BRAF: variants seen among roughly 807,000 people sequenced by gnomAD.
BRAF encodes serine/threonine-protein kinase B-raf.
BRAF carries 16 observed loss-of-function variants against 104.6 expected under a neutral mutation model. The observed-to-expected ratio is 0.15, with a 90% CI of 0.10 to 0.23. The LOEUF is 0.23. BRAF is among the 10% of genes least tolerant of loss of function. The pLI, the probability that BRAF is intolerant of heterozygous loss-of-function variation, is 1.00. For missense variants in BRAF, 541 were observed against 937.3 expected (o/e 0.58, Z 5.52); for synonymous variants, 310 against 341.6 (o/e 0.91, Z 1.02).
chr7:140,815,082 T>C (rs193257828), intron 3 of BRAF, among the ~76,000 whole-genome samples: 46 of 151,996 alleles, frequency 3.0e-4, no homozygotes, highest in African/African-American at 1.1e-3. Context: ...CATAGCTTTC[T>C]GATTTTATAA....
chr7:140,836,663 G>A (rs1294206330), intron 2 of BRAF, among the ~76,000 whole-genome samples: 1 of 152,100 alleles, frequency 6.6e-6, no homozygotes, highest in Non-Finnish European at 1.5e-5. Flanking sequence ...TTAGCTTTCA[G>A]TACCAAGGCC....
At chr7:140,730,606 C>T (rs1170303043) in intron 19 of BRAF, 59 bp downstream of exon 18, 1 of 151,888 alleles carries the variant, frequency 6.6e-6, no homozygotes, top group African/African-American at 2.4e-5. Context: ...TCAAGTAATC[C>T]ACCCGCCTCA....
chr7:140,752,287 C>A (rs1460800445), intron 16 of BRAF, among the ~76,000 whole-genome samples: 1 of 152,170 alleles, frequency 6.6e-6, no homozygotes, highest in Non-Finnish European at 1.5e-5. Flanking sequence ...CTGCCCTAGC[C>A]TCCCAGGTAG....
At chr7:140,811,853 G>A (rs1804302800) in intron 3 of BRAF, among the ~76,000 whole-genome samples, 1 of 152,080 alleles carries the variant, frequency 6.6e-6, no homozygotes, top group Non-Finnish European at 1.5e-5. Flanking sequence ...TTCACTAATT[G>A]TTTGTAGTGA....
intron 1 of BRAF, among the ~76,000 whole-genome samples, chr7:140,916,611 G>A (rs536251007): frequency 1.5e-4 from 23 of 152,272 alleles, no homozygotes; most frequent in African/African-American, 4.6e-4. Flanking sequence ...TAAAAAGGAC[G>A]TGATTGACTT....
intron 3 of BRAF, among the ~76,000 whole-genome samples, chr7:140,819,301 A>G (rs1586279704): frequency 6.6e-6 from 1 of 152,228 alleles, no homozygotes; most frequent in East Asian, 1.9e-4. Flanking sequence ...TACTAGTCAT[A>G]AGGGAAATGC....
intron 14 of BRAF, among the ~76,000 whole-genome samples, chr7:140,776,606 A>C (rs759371610): frequency 8.5e-5 from 13 of 152,200 alleles, no homozygotes; most frequent in Non-Finnish European, 1.9e-4. Context: ...ACTGCTAACA[A>C]CTTTTTAGCA....
chr7:140,839,113 T>C (rs761393346), intron 2 of BRAF, among the ~76,000 whole-genome samples: 5 of 152,128 alleles, frequency 3.3e-5, no homozygotes, highest in Non-Finnish European at 7.3e-5. Flanking sequence ...CAACTGGCGC[T>C]GGTACAACTG....
intron 3 of BRAF, among the ~76,000 whole-genome samples, chr7:140,814,771 TAACA>T (rs1804660960): frequency 7.0e-6 from 1 of 142,372 alleles, no homozygotes; most frequent in Non-Finnish European, 1.5e-5. Context: ...ATATTATATA[TAACA>T]TATATATTAT....
intron 18 of BRAF, 63 bp from the exon 18 acceptor site, chr7:140,734,833 A>G (rs2130872109): frequency 6.8e-7 from 1 of 1,462,052 alleles, no homozygotes; most frequent in East Asian, 2.5e-5. Flanking sequence ...AGAAAGAAAG[A>G]AAAAGAAAAA....
intron 1 of BRAF, among the ~76,000 whole-genome samples, chr7:140,904,230 T>C (rs556487620): frequency 2.2e-4 from 33 of 152,288 alleles, no homozygotes; most frequent in African/African-American, 7.9e-4. Flanking sequence ...GAAACTGGCA[T>C]AGCCATCCTA....
intron 7 of BRAF, 41 bp downstream of exon 7, chr7:140,800,321 T>C (rs1802956251): frequency 6.2e-7 from 1 of 1,613,392 alleles, no homozygotes; most frequent in African/African-American, 1.3e-5. Flanking sequence ...AAGAAAGCGG[T>C]TCAAGTAGCA....
chr7:140,889,234 A>T (rs1458384308), intron 1 of BRAF, among the ~76,000 whole-genome samples: 2 of 152,274 alleles, frequency 1.3e-5, no homozygotes, highest in Admixed American at 6.5e-5. Context: ...TAGCTATTTT[A>T]AAAAAATTAT....
downstream of BRAF, among the ~76,000 whole-genome samples, chr7:140,717,790 C>T (rs779622264): frequency 6.6e-6 from 1 of 152,150 alleles, no homozygotes; most frequent in South Asian, 2.1e-4. Context: ...TGTAATCACA[C>T]ATGAAGGTTT....
Position 140,777,722 on chromosome 7 carries a change from C to T in BRAF, c.1637+269G>A, listed in dbSNP as rs1208176850. 2.0e-5 allele frequency among the ~76,000 whole-genome samples: 3 copies of T among 152,132 alleles called. No individual in the cohort carries two copies. In the East Asian group the frequency reaches 5.8e-4, roughly 29 times the overall value. On this transcript the variant is annotated intron_variant, in intron 13 of 19. Transcript: ENST00000644969. ...GCTTAAAACTGGAGAGTATTCTTTTCATAAGTAGAACTATTACTTTATATT... is the reference window on the plus strand; with the variant it reads ...GCTTAAAACTGGAGAGTATTCTTTTTATAAGTAGAACTATTACTTTATATT...
rs1253814897 is a variant in BRAF, at chr7:140,924,689, G to A, written c.15C>T (p.Ser5=). The change falls in exon 1 of 20, where the codon AGC becomes AGT. Residue 5 remains serine, a synonymous_variant. Transcript: ENST00000644969. The surrounding 1 kb of genome is among the most constrained non-coding windows in gnomAD (Gnocchi z 4.2). ...GCTCCGCGCCGCCACCACCGCCACCGCTCAGCGCCGCCATCTTATAACCGA... is the reference window on the plus strand; with the variant it reads ...GCTCCGCGCCGCCACCACCGCCACCACTCAGCGCCGCCATCTTATAACCGA... MAAL[S]GGGGGGAEPG... is the part of the protein sequence containing the mutation. The A allele has an allele frequency of 9.2e-6, 10 of 1,085,612 alleles. No homozygotes were observed. Among genetic ancestry groups the A allele is most frequent in the Admixed American group, 2.1e-5 (1 of 48,170 alleles). The allele number at this position is 1,085,612 out of a possible 1,614,324, so 67.2% of individuals were successfully genotyped here. A position where few individuals can be genotyped will look rare whatever the true frequency, so the allele number is the denominator to read the frequency against.
chr7:140,892,630 A>G (rs1814374902), intron 1 of BRAF, among the ~76,000 whole-genome samples: 1 of 152,212 alleles, frequency 6.6e-6, no homozygotes, highest in Admixed American at 6.5e-5. Flanking sequence ...CATTTAGTAC[A>G]CAGCAAGGAT....
At chr7:140,809,435 G>C (rs911015845) in intron 3 of BRAF, among the ~76,000 whole-genome samples, 1 of 152,014 alleles carries the variant, frequency 6.6e-6, no homozygotes, top group Non-Finnish European at 1.5e-5. Flanking sequence ...TAAACATAGC[G>C]GGAAGAAAAA....
intron 9 of BRAF, among the ~76,000 whole-genome samples, chr7:140,786,281 C>A (rs985679864): frequency 2.0e-5 from 3 of 152,112 alleles, no homozygotes; most frequent in African/African-American, 7.2e-5. Context: ...CATGGGTATA[C>A]AGAAACATAA....
Sources: allele counts gnomAD v4.1 joint callset (sites outside exome capture counted in the v4.1 genomes callset), GRCh38; gene constraint gnomAD v4.1.1; non-coding constraint Gnocchi (gnomAD v3.1); transcripts MANE v1.5; gene names NCBI Gene and HGNC (gene_info 2026-07-23, HGNC 2026-07-21).